CLCN6: variants seen among roughly 807,000 people sequenced by gnomAD.
The protein encoded by CLCN6 is Cl-/H+ antiporter 6.
Under a neutral mutation model 109.8 loss-of-function variants are expected in CLCN6, and 70 were observed. The ratio of observed to expected loss-of-function variants is 0.64; its 90% CI spans 0.53 to 0.78. CLCN6 has a LOEUF of 0.78. Among genes scored for constraint, CLCN6 ranks in the 30% least tolerant of loss-of-function variants. The pLI is 0.00. For missense variants in CLCN6, 984 were observed against 1,142.3 expected, an observed-to-expected ratio of 0.86 and a Z score of 2.00; for synonymous variants, 444 against 447.8, an observed-to-expected ratio of 0.99 and a Z score of 0.11.
chr1:11,826,728 A>G (rs1644816360), intron 9 of CLCN6, among the ~76,000 whole-genome samples: 1 of 152,160 alleles, frequency 6.6e-6, no homozygotes. Context: ...GTTTTTACTG[A>G]TGCCGGGGTT....
At chr1:11,807,341 G>C (rs907541619) in intron 2 of CLCN6, 151 bp downstream of exon 2, 73 of 666,642 alleles carry the variant, frequency 1.1e-4, no homozygotes, top group East Asian at 1.9e-4. Flanking sequence ...GAAAGAGACT[G>C]TTTAGCAAGC....
chr1:11,839,381 C>T (rs1644991102), intron 22 of CLCN6, among the ~76,000 whole-genome samples: 1 of 152,196 alleles, frequency 6.6e-6, no homozygotes, highest in Admixed American at 6.5e-5. Flanking sequence ...CCCACCTCAG[C>T]CTCCTGAGTA....
chr1:11,833,465 G>T, intron 13 of CLCN6, 50 bp from the exon 14 acceptor site: 3 of 1,601,036 alleles, frequency 1.9e-6, no homozygotes, highest in South Asian at 2.2e-5. Flanking sequence ...CCCACTTGAA[G>T]ACTCAAAGTC....
At position 11,842,773 on chromosome 1, in the gene CLCN6, C is replaced by T. The variant is rs965408100; in HGVS notation, c.*2550C>T. On this transcript the variant is annotated 3_prime_UTR_variant, in exon 23 of 23. Transcript: ENST00000346436. Reference sequence around the variant, plus strand: ...CTGACCTTGATTAACTTAACAGTTCCCAGCTGGAAGGGACACTTTCAGGAC... The same window carrying T: ...CTGACCTTGATTAACTTAACAGTTCTCAGCTGGAAGGGACACTTTCAGGAC... The T allele has an allele frequency of 6.6e-6, 1 of 152,256 alleles. No individual in the cohort carries two copies. Among genetic ancestry groups the T allele is most frequent in the Non-Finnish European group, 1.5e-5 (1 of 68,050 alleles). The allele number at this position is 152,256 out of a possible 1,614,324, so 9.4% of individuals were successfully genotyped here.
intron 20 of CLCN6, 58 bp from the exon 21 acceptor site, chr1:11,838,277 G>T: frequency 6.7e-7 from 1 of 1,494,338 alleles, no homozygotes. Flanking sequence ...GGGGCTCTAA[G>T]GTGACCCTGC....
intron 6 of CLCN6, 69 bp downstream of exon 6, chr1:11,822,870 C>T (rs1323787136): frequency 2.0e-5 from 19 of 968,426 alleles, no homozygotes; most frequent in Non-Finnish European, 3.2e-5. Context: ...TCCCCACCTC[C>T]TTCCAGAATG....
Position 11,834,136 on chromosome 1 carries a change from A to G in CLCN6, c.1527-100A>G, listed in dbSNP as rs1308943929. ...TGCGTTGATGTGTCTGTGCCCATGC[A>G]TGCACATATGTGCATAGGCACAAGA... On this transcript the variant is annotated intron_variant, in intron 15 of 22. Coordinates refer to ENST00000346436, the MANE Select transcript of CLCN6 (RefSeq NM_001286.5). The surrounding 1 kb of genome is among the most constrained non-coding windows in gnomAD (Gnocchi z 4.5). 2 of 1,593,718 alleles carry G rather than the reference A, an allele frequency of 1.3e-6. No homozygotes were observed. Among genetic ancestry groups the G allele is most frequent in the East Asian group, 2.2e-5 (1 of 44,576 alleles).
intron 13 of CLCN6, among the ~76,000 whole-genome samples, chr1:11,832,660 C>T (rs1644896034): frequency 6.6e-6 from 1 of 152,240 alleles, no homozygotes; most frequent in South Asian, 2.1e-4. Flanking sequence ...AATGGCATCT[C>T]CACAGCTGTG....
chr1:11,831,363 G>C lies in CLCN6; in HGVS notation c.1248+2041G>C, dbSNP rs867318563. On this transcript the variant is annotated intron_variant, in intron 13 of 22. Coordinates refer to ENST00000346436, the MANE Select transcript of CLCN6 (RefSeq NM_001286.5). ...GTAGAGACGGAGTTTCACTATTTTG[G>C]CTGGGCTTGTTTTGAACTCCTGACC... is the stretch of plus-strand genomic sequence containing the variant. Among the ~76,000 whole-genome samples, 7 of 151,948 alleles carry C rather than the reference G, an allele frequency of 4.6e-5. No homozygotes were observed. In the South Asian group the frequency reaches 1.2e-3, roughly 27 times the overall value.
At chr1:11,815,252 C>G (rs1299712068) in intron 2 of CLCN6, among the ~76,000 whole-genome samples, 1 of 152,064 alleles carries the variant, frequency 6.6e-6, no homozygotes, top group Non-Finnish European at 1.5e-5. Context: ...AAATATTTTG[C>G]CAAAACAGGA....
intron 2 of CLCN6, among the ~76,000 whole-genome samples, chr1:11,812,599 C>G (rs6687229): frequency 1.3e-5 from 2 of 150,578 alleles, no homozygotes; most frequent in African/African-American, 4.9e-5. Context: ...GGCCCCCAGC[C>G]GCCACTCATC....
intron 5 of CLCN6, 27 bp from the exon 6 acceptor site, chr1:11,822,667 AC>A (rs749264629): frequency 7.7e-6 from 11 of 1,435,892 alleles, no homozygotes; most frequent in African/African-American, 1.4e-5. Flanking sequence ...CGGCTGATGA[AC>A]AAGTTTCCTT....
chr1:11,830,700 G>C (rs1305410859), intron 13 of CLCN6, among the ~76,000 whole-genome samples: 1 of 147,116 alleles, frequency 6.8e-6, no homozygotes, highest in Non-Finnish European at 1.5e-5. Context: ...TTGTCTTGGA[G>C]GACAGCCTCT....
intron 2 of CLCN6, among the ~76,000 whole-genome samples, chr1:11,813,105 C>T (rs1370051957): frequency 6.6e-6 from 1 of 152,216 alleles, no homozygotes; most frequent in African/African-American, 2.4e-5. Flanking sequence ...TCCCCTTCCC[C>T]TGTGAAGAAG....
chr1:11,827,430 C>CTTTTTTTTTTTTTTTTTTTTT (rs59015951), intron 10 of CLCN6, among the ~76,000 whole-genome samples: 21 of 105,020 alleles, frequency 2.0e-4, no homozygotes, highest in Non-Finnish European at 3.0e-4. Context: ...ACCGCTGTTA[C>CTTTTTTTTTTTTTTTTTTTTT]TTTTTTTTTT....
intron 1 of CLCN6, chr1:11,806,587 C>A (rs1268157173): frequency 4.3e-6 from 2 of 461,640 alleles, no homozygotes; most frequent in African/African-American, 2.0e-5. Flanking sequence ...GTAAATCCCA[C>A]CCATGTTTCC....
At chr1:11,838,989 G>A (rs374250752) in intron 22 of CLCN6, 52 of 677,188 alleles carry the variant, frequency 7.7e-5, no homozygotes, top group East Asian at 6.9e-4. Context: ...TTGCGCATTA[G>A]ATGAGAGAAT....
Position 11,834,501 on chromosome 1 carries a change from G to A in CLCN6, c.1704G>A (p.Gly568=), listed in dbSNP as rs751448605. The A allele has an allele frequency of 4.5e-5, 72 of 1,614,036 alleles. No homozygotes were observed. Among genetic ancestry groups the A allele is most frequent in the Non-Finnish European group, 5.0e-5 (59 of 1,180,016 alleles). ...MVTLMVAKWT[G]DFFNKGIYDI... is the part of the protein sequence containing the mutation. ...TGTTTCAGGTGGCCAAATGGACAGG[G>A]GACTTTTTCAATAAGGGCATTTATG... is the stretch of plus-strand genomic sequence containing the variant. The change falls in exon 17 of 23, where the codon GGG becomes GGA. Residue 568 remains glycine (G), a synonymous_variant. Transcript: ENST00000346436. This position sits in a 1 kb window ranked among gnomAD's most constrained non-coding sequence, Gnocchi z 4.5.
At position 11,834,643 on chromosome 1, in the gene CLCN6, G is replaced by A. The variant is rs1644922679; in HGVS notation, c.1793+53G>A. On this transcript the variant is annotated intron_variant, in intron 17 of 22. Coordinates refer to ENST00000346436, the MANE Select transcript of CLCN6 (RefSeq NM_001286.5). This position sits in a 1 kb window ranked among gnomAD's most constrained non-coding sequence, Gnocchi z 4.5. ...AGTTTCAGAATGTATAAGCTCTGAG[G>A]CCTAAGGAATGTTGTTATTAGGGTA... 1.4e-6 allele frequency: 2 copies of A among 1,442,010 alleles called. No individual in the cohort carries two copies. Among genetic ancestry groups the A allele is most frequent in the East Asian group, 4.5e-5 (2 of 43,966 alleles). 89.3% of individuals were successfully genotyped at this position (1,442,010 alleles called of 1,614,324 possible).
Sources: allele counts gnomAD v4.1 joint callset (sites outside exome capture counted in the v4.1 genomes callset), GRCh38; gene constraint gnomAD v4.1.1; non-coding constraint Gnocchi (gnomAD v3.1); transcripts MANE v1.5; gene names NCBI Gene and HGNC (gene_info 2026-07-23, HGNC 2026-07-21).